The following SUPV3L1 variants were observed in gnomAD, a reference collection of about 807,000 sequenced individuals.
The protein encoded by SUPV3L1 is Suv3 like RNA helicase, also known as ATP-dependent RNA helicase SUPV3L1, mitochondrial.
A neutral mutation model predicts 70.0 loss-of-function variants in SUPV3L1; 35 were observed. The observed-to-expected ratio is 0.50, with a 90% CI of 0.38 to 0.66. The LOEUF (loss-of-function observed/expected upper bound fraction) is 0.66. Ranked by LOEUF, SUPV3L1 falls within the 30% of genes least tolerant of loss-of-function variation. The probability of loss-of-function intolerance (pLI) is 0.00; values close to 1 mark genes in which losing one functional copy is unlikely to be tolerated. For missense variants in SUPV3L1, 777 were observed against 961.5 expected (o/e 0.81, Z 2.54); for synonymous variants, 364 against 341.9 (o/e 1.06, Z -0.71).
chr10:69,204,979 C>T (rs949593100), intron 13 of SUPV3L1, among the ~76,000 whole-genome samples: 4 of 152,080 alleles, frequency 2.6e-5, no homozygotes, highest in African/African-American at 9.7e-5. Context: ...CCATGTTCCC[C>T]AGGCTGGTCA....
chr10:69,189,225 T>G, intron 4 of SUPV3L1, 42 bp from the exon 5 acceptor site: 1 of 1,554,100 alleles, frequency 6.4e-7, no homozygotes, highest in Non-Finnish European at 8.7e-7. Flanking sequence ...AGGATGGATT[T>G]TGAGGTTAAT....
chr10:69,191,481 C>T (rs1275508983), intron 5 of SUPV3L1, among the ~76,000 whole-genome samples, 174 bp from the exon 6 acceptor site: 1 of 152,136 alleles, frequency 6.6e-6, no homozygotes, highest in Non-Finnish European at 1.5e-5. Flanking sequence ...CCCACCTCAG[C>T]CTCCCAAAGT....
At chr10:69,195,127 A>G (rs1218228018) in intron 6 of SUPV3L1, 61 bp from the exon 7 acceptor site, 10 of 1,365,820 alleles carry the variant, frequency 7.3e-6, no homozygotes, top group Non-Finnish European at 1.0e-5. Context: ...TTGGTGTTGG[A>G]ATTTGTTTAT....
chr10:69,199,921 C>T (rs559458759), intron 10 of SUPV3L1, among the ~76,000 whole-genome samples: 9 of 152,200 alleles, frequency 5.9e-5, no homozygotes, highest in East Asian at 3.9e-4. Context: ...CATGGCTCAC[C>T]GCAGCTTCAA....
At chr10:69,194,781 C>G (rs1842492535) in intron 6 of SUPV3L1, among the ~76,000 whole-genome samples, 1 of 151,604 alleles carries the variant, frequency 6.6e-6, no homozygotes, top group African/African-American at 2.4e-5. Context: ...AGGAAGATCA[C>G]TTTCAACCCA....
At chr10:69,187,178 A>G (rs191855963) in intron 3 of SUPV3L1, among the ~76,000 whole-genome samples, 37 of 152,216 alleles carry the variant, frequency 2.4e-4, no homozygotes, top group African/African-American at 7.7e-4. Flanking sequence ...ACTTTTGCCA[A>G]TGCTAATCTT....
Position 69,186,028 on chromosome 10 carries a change from G to T in SUPV3L1, c.313G>T (p.Glu105Ter), listed in dbSNP as rs777152297. The T allele has an allele frequency of 6.2e-7, 1 of 1,613,906 alleles. No homozygotes were observed. Among genetic ancestry groups the T allele is most frequent in the South Asian group, 1.1e-5 (1 of 91,074 alleles). The change falls in exon 2 of 15, where the codon GAA (glutamate) becomes TAA (stop). Residue 105 changes from glutamate to a stop codon, truncating the protein, a stop_gained. Transcript: ENST00000359655. LOFTEE classifies it high-confidence loss of function. ...KVLDKFYKRK[E>*]IQKLGADYGL... ...CTTAGACAAATTTTACAAGAGGAAA[G>T]AAATTCAGAAACTGGGTGCTGATTA...
intron 13 of SUPV3L1, among the ~76,000 whole-genome samples, chr10:69,204,359 T>C (rs1378457330): frequency 6.6e-6 from 1 of 152,230 alleles, no homozygotes; most frequent in East Asian, 1.9e-4. Flanking sequence ...TGCCATTTCC[T>C]CTGTAGGCCT....
At chr10:69,186,331 AAAAAAAAAAAAAAG>A in intron 2 of SUPV3L1, 98 bp from the exon 3 acceptor site, 1 of 680,506 alleles carries the variant, frequency 1.5e-6, no homozygotes, top group Admixed American at 3.8e-5. Context: ...CTGCCAAAAA[AAAAAAAAAAAAAAG>A]AAAAAAAAAG....
chr10:69,183,970 A>G (rs1842142156), intron 1 of SUPV3L1, among the ~76,000 whole-genome samples: 1 of 150,528 alleles, frequency 6.6e-6, no homozygotes, highest in Non-Finnish European at 1.5e-5. Flanking sequence ...TTATAGTGTC[A>G]TATAGTATTG....
chr10:69,202,407 C>G, intron 11 of SUPV3L1, 32 bp from the exon 12 acceptor site: 1 of 1,558,158 alleles, frequency 6.4e-7, no homozygotes. Flanking sequence ...AAAAAAAAAT[C>G]AGCTTATGAT....
At chr10:69,191,827 G>A in intron 6 of SUPV3L1, 61 bp downstream of exon 6, 1 of 1,233,084 alleles carries the variant, frequency 8.1e-7, no homozygotes, top group Non-Finnish European at 1.2e-6. Context: ...TTTTTTTCAA[G>A]ACAGAGTCTT....
chr10:69,185,504 CTTTTTTTTT>C (rs35590294), intron 1 of SUPV3L1, among the ~76,000 whole-genome samples: 11 of 139,518 alleles, frequency 7.9e-5, no homozygotes, highest in Non-Finnish European at 1.7e-4. Flanking sequence ...TCATTTTTCT[CTTTTTTTTT>C]TTTTTTGAGA....
chr10:69,189,279 T>TAGAGCAATGC lies in SUPV3L1; in HGVS notation c.590_591insAATGCAGAGC (p.Arg200SerfsTer43). On this transcript the variant is annotated frameshift_variant, in exon 5 of 15. Transcript: ENST00000359655. LOFTEE classifies it high-confidence loss of function. ...ACTCATGTTTTAGGTACCCAGATGC[T>TAGAGCAATGC]AGAGCCATGCAGCGGAAGATAATAT... The TAGAGCAATGC allele has an allele frequency of 6.2e-7, 1 of 1,613,434 alleles. No homozygotes were observed. The highest frequency in any genetic ancestry group is 8.5e-7 in the Non-Finnish European group (1 of 1,179,734).
rs780374184 is a variant in SUPV3L1 at position 69,198,375 on chromosome 10, C to T, written c.1027C>T (p.Arg343Ter). The T allele has an allele frequency of 5.0e-6, 8 of 1,593,270 alleles. No homozygotes were observed. Among genetic ancestry groups the T allele is most frequent in the Non-Finnish European group, 6.8e-6 (8 of 1,171,564 alleles). The change falls in exon 9 of 15, where the codon CGA becomes TGA. Residue 343 changes from arginine to a stop codon, truncating the protein, a stop_gained. Transcript: ENST00000359655. LOFTEE classifies it high-confidence loss of function. ...MYTTGEEVEV[R>*]DYKRLTPISV... ...CCATTTCATGTCTTTATTGTAGGTT[C>T]GAGACTATAAGAGGCTTACCCCCAT...
chr10:69,185,960 C>T (rs368006574), intron 1 of SUPV3L1, 27 bp from the exon 2 acceptor site: 34 of 1,548,060 alleles, frequency 2.2e-5, no homozygotes, highest in African/African-American at 1.2e-4. Flanking sequence ...GATAAGGAAA[C>T]GTTAAATTTT....
rs1271227860 is a variant in SUPV3L1 at position 69,200,318 on chromosome 10, C to A, written c.1337C>A (p.Pro446His). ...RRIIFYSLIK[P>H]SINEKGEREL... Reference sequence around the variant, plus strand: ...ATTATTTTTTACTCCCTTATAAAGCCCAGTATCAATGAAAAGGGAGAGAGA... The same window carrying A: ...ATTATTTTTTACTCCCTTATAAAGCACAGTATCAATGAAAAGGGAGAGAGA... Residue 446 changes from proline (P) to histidine (H), a missense_variant, in exon 11 of 15, where the codon CCC becomes CAC. Coordinates refer to ENST00000359655, the MANE Select transcript of SUPV3L1 (RefSeq NM_003171.5). 6.2e-7 allele frequency: 1 copy of A among 1,613,966 alleles called. No homozygotes were observed. Among genetic ancestry groups the A allele is most frequent in the Non-Finnish European group, 8.5e-7 (1 of 1,179,990 alleles).
intron 5 of SUPV3L1, among the ~76,000 whole-genome samples, chr10:69,190,678 G>A (rs189052699): frequency 6.6e-6 from 1 of 152,298 alleles, no homozygotes; most frequent in Non-Finnish European, 1.5e-5. Context: ...ACTGTATTTA[G>A]TTGTCATATC....
intron 14 of SUPV3L1, 149 bp downstream of exon 14, chr10:69,208,090 G>T: frequency 9.5e-7 from 1 of 1,051,704 alleles, no homozygotes; most frequent in South Asian, 1.7e-5. Context: ...TCAACTGATG[G>T]AATGGTTTCC....
Sources: gnomAD v4.1 joint callset for allele counts (sites outside exome capture counted in the v4.1 genomes callset) on GRCh38, gnomAD v4.1.1 for gene constraint, MANE v1.5 for transcripts, NCBI Gene and HGNC (gene_info 2026-07-23, HGNC 2026-07-21) for gene names.